The following VSIG10L2 variants were observed in gnomAD, a reference collection of about 807,000 sequenced individuals.
VSIG10L2 encodes the protein V-set and immunoglobulin domain-containing protein 10-like 2.
In VSIG10L2, 56 loss-of-function variants were observed where a neutral mutation model predicts 67.1. The ratio of observed to expected loss-of-function variants is 0.83; its 90% CI spans 0.67 to 1.04. The LOEUF (loss-of-function observed/expected upper bound fraction) is 1.04, where lower values mean the gene tolerates loss of function less well. VSIG10L2 is among the 50% of genes least tolerant of loss of function. VSIG10L2 has a pLI of 0.00. For missense variants in VSIG10L2, 843 were observed against 932.8 expected, an observed-to-expected ratio of 0.90 and a Z score of 1.25; for synonymous variants, 360 against 396.6, an observed-to-expected ratio of 0.91 and a Z score of 1.10.
In VSIG10L2 at chr11:125,953,587, G is replaced by A. The variant is rs1945407607; in HGVS notation, c.1683G>A (p.Leu561=). Residue 561 remains leucine, a synonymous_variant, in exon 7 of 12, where the codon CTG becomes CTA. Coordinates refer to ENST00000686984, the MANE Select transcript of VSIG10L2 (RefSeq NM_001365077.2). Reference sequence around the variant, plus strand: ...ACCCTGAGGGTGCCCAGCTGCGCCTGGGCATCTACGATGCTGACCCGGCAC... The same window carrying A: ...ACCCTGAGGGTGCCCAGCTGCGCCTAGGCATCTACGATGCTGACCCGGCAC... ...MLHPEGAQLR[L]GIYDADPAHH... 8.1e-7 allele frequency: 1 copy of A among 1,232,070 alleles called. No individual in the cohort carries two copies. Among genetic ancestry groups the A allele is most frequent in the Admixed American group, 4.2e-5 (1 of 23,702 alleles). 76.3% of individuals were successfully genotyped at this position (1,232,070 alleles called of 1,614,324 possible). A position where few individuals can be genotyped will look rare whatever the true frequency, so the allele number is the denominator to read the frequency against.
At chr11:125,950,819 C>A (rs766383650) in intron 4 of VSIG10L2, 91 bp from the exon 5 acceptor site, 4 of 1,186,810 alleles carry the variant, frequency 3.4e-6, no homozygotes, top group Non-Finnish European at 4.2e-6. Flanking sequence ...CCCACTGACA[C>A]CCCTGGCCTC....
chr11:125,949,154 C>G (rs1393547448), intron 3 of VSIG10L2, among the ~76,000 whole-genome samples: 1 of 152,234 alleles, frequency 6.6e-6, no homozygotes, highest in East Asian at 1.9e-4. Context: ...TGTAAAATAT[C>G]CGTAACTTCT....
In VSIG10L2 at chr11:125,947,702, C is replaced by T; in HGVS notation, c.99C>T (p.Thr33=). The change falls in exon 2 of 12, where the codon ACC becomes ACT. Residue 33 remains threonine, a synonymous_variant. Transcript: ENST00000686984. ...TCTCCCCAGGCCAGCCCCACCCGAC[C>T]CCCGAGGCCCCTGTAGAGGAGGTGG... ...HLRASGQPHP[T]PEAPVEEVVS... 3 of 1,232,352 alleles carry T rather than the reference C, an allele frequency of 2.4e-6. No homozygotes were observed. The highest frequency in any genetic ancestry group is 3.2e-5 in the East Asian group (1 of 31,710). 76.3% of individuals were successfully genotyped at this position (1,232,352 alleles called of 1,614,324 possible). A position where few individuals can be genotyped will look rare whatever the true frequency, so the allele number is the denominator to read the frequency against.
intron 1 of VSIG10L2, among the ~76,000 whole-genome samples, chr11:125,947,057 G>A (rs1267068873): frequency 6.6e-6 from 1 of 152,164 alleles, no homozygotes. Flanking sequence ...ATGAGAGCAG[G>A]GGTGGGGGGC....
Position 125,956,071 on chromosome 11 carries a change from G to A in VSIG10L2, c.*157G>A, listed in dbSNP as rs921438720. The A allele has an allele frequency of 2.9e-6, 2 of 691,034 alleles. No homozygotes were observed. The highest frequency in any genetic ancestry group is 5.3e-6 in the Non-Finnish European group (2 of 378,852). The allele number at this position is 691,034 out of a possible 1,614,324, so 42.8% of individuals were successfully genotyped here. A position where few individuals can be genotyped will look rare whatever the true frequency, so the allele number is the denominator to read the frequency against. ...TTCACAACTGGTACAAGGCCCAGCTGCAGTGTCCCTAAGTGACATGGTTAC... is the reference window on the plus strand; with the variant it reads ...TTCACAACTGGTACAAGGCCCAGCTACAGTGTCCCTAAGTGACATGGTTAC... On this transcript the variant is annotated 3_prime_UTR_variant, in exon 12 of 12. Coordinates refer to ENST00000686984, the MANE Select transcript of VSIG10L2 (RefSeq NM_001365077.2).
In VSIG10L2 at chr11:125,954,758, G is replaced by A. The variant is rs564144133; in HGVS notation, c.2084-299G>A. The stretch of plus-strand genomic sequence containing the variant: ...CCCCCTCTCCATCCTGGGAATTCCT[G>A]ATTTTACGGCATGCTCCCCTTCAGC... On this transcript the variant is annotated intron_variant, in intron 8 of 11. Transcript: ENST00000686984. 2.4e-4 allele frequency among the ~76,000 whole-genome samples: 37 copies of A among 152,278 alleles called. 1 individual carries two copies. In the South Asian group the frequency reaches 6.8e-3, roughly 28 times the overall value.
chr11:125,948,258 G>A, intron 2 of VSIG10L2, 47 bp from the exon 3 acceptor site: 2 of 1,232,256 alleles, frequency 1.6e-6, no homozygotes, highest in Non-Finnish European at 2.0e-6. Context: ...AGCTGGGCGT[G>A]TCCTGGGTCT....
At position 125,947,969 on chromosome 11, in the gene VSIG10L2, C is replaced by A; in HGVS notation, c.366C>A (p.Cys122Ter). Residue 122 changes from cysteine (C) to a stop codon, truncating the protein, a stop_gained, in exon 2 of 12, where the codon TGC (cysteine) becomes TGA (stop). Transcript: ENST00000686984. LOFTEE classifies it high-confidence loss of function. ...AGGGTGCCCGTGGCCACTTCCTATG[C>A]CAGGTTCTGCACGTGGCTGGCGGCC... ...LHEGARGHFL[C>*]QVLHVAGGQL... The A allele has an allele frequency of 1.6e-6, 2 of 1,232,296 alleles. No individual in the cohort carries two copies. Among genetic ancestry groups the A allele is most frequent in the Non-Finnish European group, 2.0e-6 (2 of 988,074 alleles). 76.3% of individuals were successfully genotyped at this position (1,232,296 alleles called of 1,614,324 possible). A position where few individuals can be genotyped will look rare whatever the true frequency, so the allele number is the denominator to read the frequency against.
In VSIG10L2 at chr11:125,955,687, A is replaced by T. The variant is rs1316966414; in HGVS notation, c.2284+20A>T. The T allele has an allele frequency of 6.5e-7, 1 of 1,531,914 alleles. No individual in the cohort carries two copies. The highest frequency in any genetic ancestry group is 1.4e-5 in the African/African-American group (1 of 72,982). The allele number at this position is 1,531,914 out of a possible 1,614,324, so 94.9% of individuals were successfully genotyped here. On this transcript the variant is annotated intron_variant, in intron 11 of 11. Coordinates refer to ENST00000686984, the MANE Select transcript of VSIG10L2 (RefSeq NM_001365077.2). ...CGGCAGGTAAGCACCTTATCCAGAA[A>T]AAGACGACTCGTGTACAAGGAGACC...
intron 3 of VSIG10L2, among the ~76,000 whole-genome samples, chr11:125,949,395 G>A (rs775989319): frequency 2.0e-5 from 3 of 152,286 alleles, no homozygotes; most frequent in Non-Finnish European, 2.9e-5. Context: ...GACGAATGGC[G>A]TCCTATTTAT....
In VSIG10L2 at chr11:125,950,893, C is replaced by G; in HGVS notation, c.986-17C>G. On this transcript the variant is annotated splice_polypyrimidine_tract_variant and intron_variant, in intron 4 of 11. Transcript: ENST00000686984. The stretch of plus-strand genomic sequence containing the variant: ...GGCAGTGGAGCCTGCTCCAGCCTCA[C>G]CCACTTCCCCATCCAGATCCCCCTG... The G allele has an allele frequency of 8.1e-7, 1 of 1,232,732 alleles. No homozygotes were observed. Among genetic ancestry groups the G allele is most frequent in the Non-Finnish European group, 1.0e-6 (1 of 988,434 alleles). 76.4% of individuals were successfully genotyped at this position (1,232,732 alleles called of 1,614,324 possible).
In VSIG10L2 at chr11:125,946,605, T is replaced by C. The variant is rs911749119; in HGVS notation, c.82+468T>C. Among the ~76,000 whole-genome samples, 6 of 150,998 alleles carry C rather than the reference T, an allele frequency of 4.0e-5. No homozygotes were observed. Among genetic ancestry groups the C allele is most frequent in the Admixed American group, 1.3e-4 (2 of 15,150 alleles). On this transcript the variant is annotated intron_variant, in intron 1 of 11. Transcript: ENST00000686984. This position sits in a 1 kb window ranked among gnomAD's most constrained non-coding sequence, Gnocchi z 4.4. ...CAGGCTGGAGTGCAGTGGTGTGATC[T>C]CGGCTCACTGCAACCTCTGCCTCCT...
intron 4 of VSIG10L2, among the ~76,000 whole-genome samples, chr11:125,950,643 G>A (rs1945355364): frequency 6.6e-6 from 1 of 152,166 alleles, no homozygotes; most frequent in Non-Finnish European, 1.5e-5. Context: ...ACAGAGACGA[G>A]AATGGGAGAT....
In VSIG10L2 at chr11:125,952,085, C is replaced by T. The variant is rs532167926; in HGVS notation, c.1495+12C>T. 5.0e-5 allele frequency: 77 copies of T among 1,525,468 alleles called. No homozygotes were observed. In the African/African-American group the frequency reaches 9.6e-4, roughly 19 times the overall value. The allele number at this position is 1,525,468 out of a possible 1,614,324, so 94.5% of individuals were successfully genotyped here. On this transcript the variant is annotated intron_variant, in intron 6 of 11. Coordinates refer to ENST00000686984, the MANE Select transcript of VSIG10L2 (RefSeq NM_001365077.2). ...CCACCTCCAGCTGGGTGAGTAGGGG[C>T]TAGCGAGTTTGTTCTGGGGCTGGGA...
rs1439013558 is a variant in VSIG10L2 at position 125,946,781 on chromosome 11, GC to G, written c.82+647del. Among the ~76,000 whole-genome samples the G allele has an allele frequency of 3.3e-5, 5 of 152,114 alleles. No individual in the cohort carries two copies. The highest frequency in any genetic ancestry group is 1.2e-4 in the African/African-American group (5 of 41,430). ...TCAAACTCCTGACCTCAGGTGATCT[GC>G]CCGCCTCAGCCTCCCAGAGTGCTGG... On this transcript the variant is annotated intron_variant, in intron 1 of 11. Transcript: ENST00000686984. This position sits in a 1 kb window ranked among gnomAD's most constrained non-coding sequence, Gnocchi z 4.4.
chr11:125,947,596 A>C, intron 1 of VSIG10L2, 90 bp from the exon 2 acceptor site: 1 of 1,231,582 alleles, frequency 8.1e-7, no homozygotes, highest in African/African-American at 1.5e-5. Context: ...TTGGGACTGC[A>C]GAACCAAAAA....
Position 125,951,158 on chromosome 11 carries a change from T to C in VSIG10L2, c.1234T>C (p.Trp412Arg). 8.1e-7 allele frequency: 1 copy of C among 1,232,800 alleles called. No individual in the cohort carries two copies. Among genetic ancestry groups the C allele is most frequent in the Non-Finnish European group, 1.0e-6 (1 of 988,464 alleles). 76.4% of individuals were successfully genotyped at this position (1,232,800 alleles called of 1,614,324 possible). A position where few individuals can be genotyped will look rare whatever the true frequency, so the allele number is the denominator to read the frequency against. ...GCCTGCCCTCTGCACAGTCATGCTC[T>C]GTGAGTGGACACAGGAAACCCCAGG... ...APPALCTVML[W>R]EPLGRPTCWS... Residue 412 changes from tryptophan (W) to arginine (R), a missense_variant and splice_region_variant, in exon 5 of 12, where the codon TGG becomes CGG. Around this residue, in one of 2 missense-constraint regions of VSIG10L2, gnomAD observed 446 missense variants for 548.4 expected, o/e 0.81. Coordinates refer to ENST00000686984, the MANE Select transcript of VSIG10L2 (RefSeq NM_001365077.2).
chr11:125,948,907 C>A (rs1478256250), intron 3 of VSIG10L2, among the ~76,000 whole-genome samples: 1 of 152,250 alleles, frequency 6.6e-6, no homozygotes. Flanking sequence ...CAGAAACCAA[C>A]AGGACCCCAG....
intron 3 of VSIG10L2, among the ~76,000 whole-genome samples, 152 bp downstream of exon 3, chr11:125,948,732 C>T (rs1039478458): frequency 8.5e-5 from 13 of 152,250 alleles, no homozygotes; most frequent in South Asian, 2.1e-4. Context: ...CACGGGGTGC[C>T]GTGCCCCTGC....
Sources: allele counts gnomAD v4.1 joint callset (sites outside exome capture counted in the v4.1 genomes callset), GRCh38; gene constraint gnomAD v4.1.1; regional missense constraint gnomAD v4.1.1; non-coding constraint Gnocchi (gnomAD v3.1); transcripts MANE v1.5; gene names NCBI Gene and HGNC (gene_info 2026-07-23, HGNC 2026-07-21).